Variants in SLC35F3 observed in about 807,000 individuals in gnomAD.
The protein encoded by SLC35F3 is solute carrier family 35 member F3.
A neutral mutation model predicts 49.9 loss-of-function variants in SLC35F3; 25 were observed. The ratio of observed to expected loss-of-function variants is 0.50; its 90% CI spans 0.37 to 0.70. The LOEUF (loss-of-function observed/expected upper bound fraction) is 0.70. SLC35F3 is among the 30% of genes least tolerant of loss of function. The pLI, the probability that SLC35F3 is intolerant of heterozygous loss-of-function variation, is 0.00. For missense variants in SLC35F3, 525 were observed against 639.8 expected (o/e 0.82, Z 1.94); for synonymous variants, 275 against 265.4 (o/e 1.04, Z -0.35).
At chr1:234,313,650 G>C (rs1657413808) in intron 4 of SLC35F3, among the ~76,000 whole-genome samples, 1 of 152,132 alleles carries the variant, frequency 6.6e-6, no homozygotes. Context: ...GCATGGGGAG[G>C]TCAGGGGAGC....
At chr1:234,109,124 T>A (rs2102886907) in intron 2 of SLC35F3, among the ~76,000 whole-genome samples, 1 of 150,262 alleles carries the variant, frequency 6.7e-6, no homozygotes, top group Admixed American at 6.6e-5. Context: ...CTGTGAGCAG[T>A]CTTCTTTATG....
intron 2 of SLC35F3, among the ~76,000 whole-genome samples, chr1:233,923,981 C>G (rs1005537043): frequency 4.6e-5 from 7 of 152,088 alleles, no homozygotes; most frequent in Non-Finnish European, 7.4e-5. Flanking sequence ...GCCTTGCTTC[C>G]CAGGGATGAA....
intron 3 of SLC35F3, among the ~76,000 whole-genome samples, chr1:234,276,000 C>T (rs1668204966): frequency 6.6e-6 from 1 of 152,072 alleles, no homozygotes; most frequent in Non-Finnish European, 1.5e-5. Flanking sequence ...ATGAAAGAGT[C>T]AGAAGATGAG....
At position 234,104,643 on chromosome 1, in the gene SLC35F3, A is replaced by G. The variant is rs577573965; in HGVS notation, c.284-126774A>G. On this transcript the variant is annotated intron_variant, in intron 2 of 7. Transcript: ENST00000366618. ...GAAAAGGAGCTAAAGATATAGTTGT[A>G]CCAAGGATAGACTCAAAATACAATT... Among the ~76,000 whole-genome samples the G allele has an allele frequency of 2.6e-5, 4 of 152,374 alleles. No individual in the cohort carries two copies. In the South Asian group the frequency reaches 8.3e-4, roughly 32 times the overall value.
chr1:233,976,225 T>G (rs1663077725), intron 2 of SLC35F3, among the ~76,000 whole-genome samples: 1 of 152,224 alleles, frequency 6.6e-6, no homozygotes, highest in Non-Finnish European at 1.5e-5. Context: ...GTAGAAAATT[T>G]TAAGATGGCA....
At chr1:234,165,181 C>G (rs1467110258) in intron 2 of SLC35F3, among the ~76,000 whole-genome samples, 1 of 151,780 alleles carries the variant, frequency 6.6e-6, no homozygotes, top group African/African-American at 2.4e-5. Flanking sequence ...ATAGTTACGG[C>G]TTGTTTAAAT....
intron 2 of SLC35F3, among the ~76,000 whole-genome samples, chr1:233,940,870 A>G (rs1430688291): frequency 6.6e-6 from 1 of 152,196 alleles, no homozygotes; most frequent in Admixed American, 6.5e-5. Flanking sequence ...ATGCACATTA[A>G]TATTATTGAT....
intron 3 of SLC35F3, among the ~76,000 whole-genome samples, chr1:234,294,852 T>G (rs1572139210): frequency 3.5e-5 from 5 of 141,962 alleles, no homozygotes; most frequent in Admixed American, 7.2e-5. Flanking sequence ...TCTGTGGAGG[T>G]GGGAGGGAGG....
intron 2 of SLC35F3, among the ~76,000 whole-genome samples, chr1:234,002,030 C>T (rs978116783): frequency 6.6e-6 from 1 of 152,212 alleles, no homozygotes; most frequent in Non-Finnish European, 1.5e-5. Flanking sequence ...GGACCAGCCT[C>T]TGCCTGGGGG....
chr1:234,131,968 G>A (rs1460222231), intron 2 of SLC35F3, among the ~76,000 whole-genome samples: 2 of 152,194 alleles, frequency 1.3e-5, no homozygotes, highest in Non-Finnish European at 2.9e-5. Context: ...ACTTCGGGGA[G>A]TGGAGTGGAG....
Position 234,231,668 on chromosome 1 carries a change from T to G in SLC35F3, c.535T>G (p.Leu179Val), listed in dbSNP as rs1667379037. The change falls in exon 3 of 8, where the codon TTA becomes GTA. Residue 179 changes from leucine (L) to valine (V), a missense_variant. Transcript: ENST00000366618. The surrounding 1 kb of genome is among the most constrained non-coding windows in gnomAD (Gnocchi z 5.4). ...LTWFATNWNFLFFPLYYVGHV... is the reference protein window; with the variant it reads ...LTWFATNWNFVFFPLYYVGHV... ...GTGGTTTGCCACCAACTGGAACTTT[T>G]TATTCTTCCCGTTGTACTACGTGGG... The G allele has an allele frequency of 1.2e-6, 2 of 1,614,168 alleles. No homozygotes were observed. The highest frequency in any genetic ancestry group is 1.7e-6 in the Non-Finnish European group (2 of 1,180,020).
At chr1:234,079,486 C>T (rs368787324) in intron 2 of SLC35F3, among the ~76,000 whole-genome samples, 15 of 152,042 alleles carry the variant, frequency 9.9e-5, no homozygotes, top group Non-Finnish European at 4.4e-5. Context: ...AAAGGCACAA[C>T]GATTTTGCAA....
At chr1:234,119,560 G>A (rs537841953) in intron 2 of SLC35F3, among the ~76,000 whole-genome samples, 1 of 152,170 alleles carries the variant, frequency 6.6e-6, no homozygotes, top group Non-Finnish European at 1.5e-5. Context: ...TTGGTCATAG[G>A]CTGAGCTGAA....
chr1:234,253,869 C>T (rs1667777545), intron 3 of SLC35F3, among the ~76,000 whole-genome samples: 1 of 152,134 alleles, frequency 6.6e-6, no homozygotes. Context: ...GAGTATATAA[C>T]AAGGAAGGTC....
chr1:233,942,988 G>A (rs115746383), intron 2 of SLC35F3, among the ~76,000 whole-genome samples: 1,781 of 152,278 alleles, frequency 0.012, 32 homozygotes, highest in African/African-American at 0.04. Flanking sequence ...TTCACTTAGC[G>A]TAATGTCCTC....
rs777353110 is a variant in SLC35F3 at position 234,112,556 on chromosome 1, C to CTTTTT, written c.284-118848_284-118844dup. ...TTTTGTGAAGTTTATAATTCACACT[C>CTTTTT]TTTTTTTTTTTTTTTTTGAGACAGA... is the stretch of plus-strand genomic sequence containing the variant. On this transcript the variant is annotated intron_variant, in intron 2 of 7. Coordinates refer to ENST00000366618, the MANE Select transcript of SLC35F3 (RefSeq NM_173508.4). Among the ~76,000 whole-genome samples, 382 of 116,338 alleles carry CTTTTT rather than the reference C, an allele frequency of 3.3e-3. 10 individuals carry two copies. The highest frequency in any genetic ancestry group is 0.011 in the African/African-American group (362 of 33,496). 76.3% of individuals were successfully genotyped at this position (116,338 alleles called of 152,430 possible).
At chr1:234,177,566 G>A (rs536856002) in intron 2 of SLC35F3, among the ~76,000 whole-genome samples, 17 of 152,282 alleles carry the variant, frequency 1.1e-4, no homozygotes, top group African/African-American at 1.2e-4. Flanking sequence ...ACATAAAGAC[G>A]GCTTTACTAC....
intron 2 of SLC35F3, among the ~76,000 whole-genome samples, chr1:234,104,500 A>AAC (rs1665255666): frequency 6.6e-6 from 1 of 152,238 alleles, no homozygotes; most frequent in Admixed American, 6.5e-5. Flanking sequence ...AGCCAATTAC[A>AAC]AGTCACCCTT....
At chr1:233,915,948 C>A (rs1661961623) in intron 2 of SLC35F3, among the ~76,000 whole-genome samples, 1 of 152,178 alleles carries the variant, frequency 6.6e-6, no homozygotes. Flanking sequence ...TGGGTGGGGA[C>A]ACAGCCAAAC....
Sources: gnomAD v4.1 joint callset for allele counts (sites outside exome capture counted in the v4.1 genomes callset) on GRCh38, gnomAD v4.1.1 for gene constraint, Gnocchi (gnomAD v3.1) non-coding constraint, MANE v1.5 for transcripts, NCBI Gene and HGNC (gene_info 2026-07-23, HGNC 2026-07-21) for gene names.